HMBOX1: variants seen among roughly 807,000 people sequenced by gnomAD.
The protein encoded by HMBOX1 is homeobox containing 1.
HMBOX1 carries 14 observed loss-of-function variants against 54.5 expected under a neutral mutation model. That is an observed-to-expected ratio of 0.26 (90% confidence interval 0.17 to 0.40). The LOEUF is 0.40. HMBOX1 is among the 10% of genes least tolerant of loss of function. The pLI is 1.00. For synonymous variants in HMBOX1, 160 were observed against 181.0 expected (o/e 0.88, Z 0.93); for missense variants, 332 against 514.4 (o/e 0.65, Z 3.43).
At chr8:28,992,672 G>C (rs761366426) in intron 4 of HMBOX1, among the ~76,000 whole-genome samples, 1 of 151,696 alleles carries the variant, frequency 6.6e-6, no homozygotes, top group African/African-American at 2.4e-5. Context: ...AGTTCAAGAC[G>C]AGTCTGGTCA....
At chr8:28,962,773 T>G (rs1191647587) in intron 1 of HMBOX1, among the ~76,000 whole-genome samples, 1 of 152,192 alleles carries the variant, frequency 6.6e-6, no homozygotes, top group Non-Finnish European at 1.5e-5. Flanking sequence ...AGTTTCTGGA[T>G]TGTTACTCAT....
chr8:28,900,254 C>CAA (rs1215445461), intron 1 of HMBOX1, among the ~76,000 whole-genome samples: 170 of 94,882 alleles, frequency 1.8e-3, no homozygotes, highest in African/African-American at 5.6e-3. Context: ...GATTCCGTCT[C>CAA]AAAAAAAAAA....
intron 8 of HMBOX1, among the ~76,000 whole-genome samples, chr8:29,047,861 C>T (rs1421178971): frequency 6.6e-6 from 1 of 152,074 alleles, no homozygotes; most frequent in African/African-American, 2.4e-5. Context: ...GCCACCGTGC[C>T]GGATCCTAAC....
At chr8:28,980,235 A>G (rs1829114542) in intron 4 of HMBOX1, 79 bp downstream of exon 4, 15 of 1,042,242 alleles carry the variant, frequency 1.4e-5, no homozygotes, top group Non-Finnish European at 2.3e-5. Flanking sequence ...TATTGCTTGC[A>G]TTTCTGCATT....
intron 1 of HMBOX1, among the ~76,000 whole-genome samples, chr8:28,958,662 A>G (rs935965654): frequency 1.3e-5 from 2 of 152,104 alleles, no homozygotes; most frequent in Non-Finnish European, 2.9e-5. Flanking sequence ...AATTACACAC[A>G]TAGATACTCT....
chr8:28,975,017 C>A (rs1011849619), intron 3 of HMBOX1, among the ~76,000 whole-genome samples: 2 of 152,228 alleles, frequency 1.3e-5, no homozygotes, highest in Admixed American at 6.5e-5. Flanking sequence ...ATAAATAATT[C>A]TTTTCCTTTC....
intron 1 of HMBOX1, among the ~76,000 whole-genome samples, chr8:28,907,219 T>G (rs772164611): frequency 3.3e-5 from 5 of 152,240 alleles, no homozygotes; most frequent in Non-Finnish European, 7.3e-5. Context: ...AATCACAAAC[T>G]GTAATGTATA....
intron 7 of HMBOX1, 103 bp downstream of exon 7, chr8:29,045,546 C>G (rs991713884): frequency 5.7e-6 from 5 of 869,632 alleles, no homozygotes; most frequent in Non-Finnish European, 9.5e-6. Flanking sequence ...CATGGTGCTC[C>G]CGGCTCAGTC....
chr8:29,039,376 A>G (rs757461211), intron 6 of HMBOX1, among the ~76,000 whole-genome samples: 19 of 152,320 alleles, frequency 1.2e-4, no homozygotes, highest in Middle Eastern at 3.4e-3. Flanking sequence ...AATAAACACA[A>G]ATATCAAAAA....
chr8:28,990,101 G>A (rs1050955438), intron 4 of HMBOX1, among the ~76,000 whole-genome samples: 3 of 151,888 alleles, frequency 2.0e-5, no homozygotes, highest in African/African-American at 7.3e-5. Flanking sequence ...TTTTGTTTAG[G>A]ATTTTCTATA....
intron 4 of HMBOX1, among the ~76,000 whole-genome samples, chr8:28,991,532 G>T (rs779687029): frequency 6.6e-6 from 1 of 152,166 alleles, no homozygotes; most frequent in Non-Finnish European, 1.5e-5. Flanking sequence ...CGATTTTAAA[G>T]TACGAGGCCA....
intron 4 of HMBOX1, among the ~76,000 whole-genome samples, chr8:28,999,024 A>G (rs1286309211): frequency 2.0e-5 from 3 of 152,158 alleles, no homozygotes; most frequent in Non-Finnish European, 4.4e-5. Flanking sequence ...TATAGACACA[A>G]AATATTTAAT....
chr8:29,050,887 C>T (rs192356878), intron 9 of HMBOX1, 131 bp from the exon 10 acceptor site: 76 of 750,576 alleles, frequency 1.0e-4, no homozygotes, highest in Non-Finnish European at 1.5e-4. Flanking sequence ...CAATTTACCT[C>T]TATTTTATCA....
intron 5 of HMBOX1, chr8:29,010,156 T>C (rs1041002432): frequency 1.3e-5 from 13 of 975,584 alleles, no homozygotes; most frequent in African/African-American, 3.5e-5. Context: ...TACAATAATA[T>C]TAAAAATCTA....
chr8:29,023,617 G>A (rs1801546742), intron 6 of HMBOX1, among the ~76,000 whole-genome samples: 1 of 152,094 alleles, frequency 6.6e-6, no homozygotes, highest in South Asian at 2.1e-4. Context: ...GCCTAGGCTG[G>A]TATTGAACTC....
intron 4 of HMBOX1, among the ~76,000 whole-genome samples, chr8:28,982,564 A>G (rs1374840230): frequency 6.6e-6 from 1 of 151,714 alleles, no homozygotes; most frequent in African/African-American, 2.4e-5. Context: ...ATCTTCCTAT[A>G]TCAGCCTCCT....
intron 4 of HMBOX1, among the ~76,000 whole-genome samples, chr8:29,006,583 A>T (rs550028015): frequency 5.3e-5 from 8 of 151,940 alleles, no homozygotes; most frequent in Admixed American, 1.3e-4. Flanking sequence ...ATGGCTTTTT[A>T]TTTGTTTGGT....
At chr8:28,900,041 G>C (rs1812901751) in intron 1 of HMBOX1, among the ~76,000 whole-genome samples, 1 of 151,846 alleles carries the variant, frequency 6.6e-6, no homozygotes, top group Non-Finnish European at 1.5e-5. Flanking sequence ...ATGAGATCAG[G>C]AGTTCAAGAC....
At chr8:29,044,478 T>A (rs1373884932) in intron 6 of HMBOX1, among the ~76,000 whole-genome samples, 2 of 152,134 alleles carry the variant, frequency 1.3e-5, no homozygotes, top group African/African-American at 4.8e-5. Context: ...TTTTTTAAAG[T>A]ACTATCGTAC....
Sources: allele counts gnomAD v4.1 joint callset (sites outside exome capture counted in the v4.1 genomes callset), GRCh38; gene constraint gnomAD v4.1.1; transcripts MANE v1.5; gene names NCBI Gene and HGNC (gene_info 2026-07-23, HGNC 2026-07-21).